Variants in ASAP2 observed in about 807,000 individuals in gnomAD.
ASAP2 encodes ArfGAP with SH3 domain, ankyrin repeat and PH domain 2, also known as arf-GAP with SH3 domain, ANK repeat and PH domain-containing protein 2.
A neutral mutation model predicts 131.4 loss-of-function variants in ASAP2; 45 were observed. The ratio of observed to expected loss-of-function variants is 0.34; its 90% CI spans 0.27 to 0.44. The LOEUF is 0.44. ASAP2 is among the 20% of genes least tolerant of loss of function. The probability of loss-of-function intolerance (pLI) is 1.00; values close to 1 mark genes in which losing one functional copy is unlikely to be tolerated. For synonymous variants in ASAP2, 510 were observed against 503.0 expected (o/e 1.01, Z -0.19); for missense variants, 1,011 against 1,297.0 (o/e 0.78, Z 3.39).
At chr2:9,254,254 T>TATATATATATATATACACACACACAC (rs1553297027) in intron 1 of ASAP2, among the ~76,000 whole-genome samples, 1 of 65,766 alleles carries the variant, frequency 1.5e-5, no homozygotes, top group Non-Finnish European at 2.8e-5. Context: ...TATATATATA[T>TATATATATATATATACACACACACAC]ACACGTGTGT....
intron 7 of ASAP2, among the ~76,000 whole-genome samples, chr2:9,328,514 G>A (rs1269566885): frequency 6.6e-6 from 1 of 152,218 alleles, no homozygotes; most frequent in Non-Finnish European, 1.5e-5. Context: ...TTAATGCAGT[G>A]TTTTAAAATA....
At chr2:9,242,912 G>C (rs535837063) in intron 1 of ASAP2, among the ~76,000 whole-genome samples, 1 of 152,208 alleles carries the variant, frequency 6.6e-6, no homozygotes, top group East Asian at 1.9e-4. Flanking sequence ...TGATATAACT[G>C]AGGCCCAGTA....
At chr2:9,388,735 G>C (rs1332692894) in intron 22 of ASAP2, among the ~76,000 whole-genome samples, 189 bp downstream of exon 22, 1 of 152,184 alleles carries the variant, frequency 6.6e-6, no homozygotes, top group African/African-American at 2.4e-5. Context: ...CTCTTGATTT[G>C]ACTCTTATTC....
chr2:9,233,125 G>GTT (rs1169362175), intron 1 of ASAP2, among the ~76,000 whole-genome samples: 1 of 152,198 alleles, frequency 6.6e-6, no homozygotes, highest in Non-Finnish European at 1.5e-5. Flanking sequence ...CTTTGAGACA[G>GTT]TTTGAGTCAT....
chr2:9,210,821 A>G (rs954481858), intron 1 of ASAP2, among the ~76,000 whole-genome samples: 1 of 149,714 alleles, frequency 6.7e-6, no homozygotes, highest in Non-Finnish European at 1.5e-5. Context: ...TTGGCCTCCC[A>G]AAGTGCTGGG....
intron 1 of ASAP2, among the ~76,000 whole-genome samples, chr2:9,212,386 C>T (rs1661629569): frequency 6.6e-6 from 1 of 152,066 alleles, no homozygotes; most frequent in Non-Finnish European, 1.5e-5. Context: ...TGATGTCGTA[C>T]CGTTGAGTCT....
At chr2:9,388,995 G>T (rs1339944296) in intron 22 of ASAP2, among the ~76,000 whole-genome samples, 2 of 152,176 alleles carry the variant, frequency 1.3e-5, no homozygotes, top group Non-Finnish European at 2.9e-5. Flanking sequence ...CCCCATAAAA[G>T]ATATTGGGGA....
At chr2:9,282,699 G>A (rs1214490372) in intron 2 of ASAP2, among the ~76,000 whole-genome samples, 1 of 152,152 alleles carries the variant, frequency 6.6e-6, no homozygotes, top group Admixed American at 6.5e-5. Context: ...CTCATTTTAT[G>A]TACGATTGAA....
intron 2 of ASAP2, among the ~76,000 whole-genome samples, chr2:9,295,417 A>T (rs986066531): frequency 6.6e-6 from 1 of 152,184 alleles, no homozygotes; most frequent in East Asian, 1.9e-4. Context: ...TGCTGCTGTT[A>T]CTTTTGTTAG....
intron 20 of ASAP2, among the ~76,000 whole-genome samples, chr2:9,382,888 T>C (rs1244475712): frequency 2.0e-5 from 3 of 152,304 alleles, no homozygotes; most frequent in East Asian, 3.9e-4. Flanking sequence ...GACAGTGTGA[T>C]TGCAGCAGAG....
intron 12 of ASAP2, among the ~76,000 whole-genome samples, chr2:9,352,698 T>G (rs1672437193): frequency 6.6e-6 from 1 of 152,212 alleles, no homozygotes; most frequent in African/African-American, 2.4e-5. Context: ...AATGCAGTCC[T>G]CTGTGAATCT....
intron 3 of ASAP2, among the ~76,000 whole-genome samples, chr2:9,310,355 GCTTTTTAAAGGAAAAGCTGATTAT>G (rs1428229461): frequency 1.3e-5 from 2 of 152,190 alleles, no homozygotes; most frequent in African/African-American, 4.8e-5. Flanking sequence ...TAACAAAATG[GCTTTTTAAAGGAAAAGCTGATTAT>G]CCTCGAAGAG....
intron 1 of ASAP2, among the ~76,000 whole-genome samples, chr2:9,270,146 C>T (rs1666236807): frequency 6.6e-6 from 1 of 152,208 alleles, no homozygotes; most frequent in African/African-American, 2.4e-5. Flanking sequence ...CCACCTGGCC[C>T]CTGAGAATTA....
intron 1 of ASAP2, among the ~76,000 whole-genome samples, chr2:9,211,459 A>G (rs909872510): frequency 2.6e-5 from 4 of 152,096 alleles, no homozygotes; most frequent in African/African-American, 9.7e-5. Flanking sequence ...AAAATTGTAT[A>G]CATATTTGGA....
intron 1 of ASAP2, among the ~76,000 whole-genome samples, chr2:9,246,027 G>A (rs1412474310): frequency 1.3e-5 from 2 of 152,200 alleles, no homozygotes; most frequent in African/African-American, 2.4e-5. Flanking sequence ...AAGGACAGGA[G>A]GGTGGTGTGA....
intron 5 of ASAP2, among the ~76,000 whole-genome samples, chr2:9,322,520 T>C (rs1670220246): frequency 6.6e-6 from 1 of 152,274 alleles, no homozygotes; most frequent in Non-Finnish European, 1.5e-5. Context: ...CAGCCACGAT[T>C]ACCCTGGTGG....
At chr2:9,253,133 A>C (rs1396275820) in intron 1 of ASAP2, among the ~76,000 whole-genome samples, 1 of 152,220 alleles carries the variant, frequency 6.6e-6, no homozygotes, top group East Asian at 1.9e-4. Context: ...ATTGAGGTCT[A>C]CTCTGCAAAC....
At chr2:9,379,399 C>CA (rs1373280541) in intron 19 of ASAP2, among the ~76,000 whole-genome samples, 1 of 152,184 alleles carries the variant, frequency 6.6e-6, no homozygotes, top group Non-Finnish European at 1.5e-5. Flanking sequence ...TACTCACCCC[C>CA]ACCTGAGGCC....
At chr2:9,348,126 G>GTTTT (rs1672091359) in intron 11 of ASAP2, among the ~76,000 whole-genome samples, 1 of 152,076 alleles carries the variant, frequency 6.6e-6, no homozygotes, top group South Asian at 2.1e-4. Flanking sequence ...CTGTTTGTTT[G>GTTTT]TTTGTTTGTT....
Sources: allele counts gnomAD v4.1 joint callset (sites outside exome capture counted in the v4.1 genomes callset), GRCh38; gene constraint gnomAD v4.1.1; transcripts MANE v1.5; gene names NCBI Gene and HGNC (gene_info 2026-07-23, HGNC 2026-07-21).